The following DGKB variants were observed in gnomAD, a reference collection of about 807,000 sequenced individuals.
The protein encoded by DGKB is diacylglycerol kinase beta.
Under a neutral mutation model 114.3 loss-of-function variants are expected in DGKB, and 67 were observed. That is an observed-to-expected ratio of 0.59 (90% confidence interval 0.48 to 0.72). The LOEUF (loss-of-function observed/expected upper bound fraction) is 0.72, where lower values mean the gene tolerates loss of function less well. DGKB is among the 30% of genes least tolerant of loss of function. DGKB has a pLI of 0.00. For missense variants in DGKB, 907 were observed against 975.2 expected (o/e 0.93, Z 0.93); for synonymous variants, 398 against 323.1 (o/e 1.23, Z -2.49).
intron 12 of DGKB, among the ~76,000 whole-genome samples, chr7:14,680,267 C>T (rs147303617): frequency 1.3e-3 from 201 of 151,976 alleles, no homozygotes; most frequent in East Asian, 8.9e-3. Flanking sequence ...AAGACATTTG[C>T]TGTTTATGTT....
At chr7:14,886,890 A>G (rs1450442602) in intron 1 of DGKB, among the ~76,000 whole-genome samples, 3 of 151,880 alleles carry the variant, frequency 2.0e-5, no homozygotes, top group Non-Finnish European at 4.4e-5. Flanking sequence ...TTAATCTCCT[A>G]TCATACCCAC....
chr7:14,249,972 G>A (rs901835285), intron 23 of DGKB, among the ~76,000 whole-genome samples: 1 of 150,602 alleles, frequency 6.6e-6, no homozygotes, highest in African/African-American at 2.4e-5. Flanking sequence ...ATTTTATTTT[G>A]TTGAGAGAGT....
chr7:14,817,986 C>T (rs1038170112), intron 2 of DGKB, among the ~76,000 whole-genome samples: 6 of 151,786 alleles, frequency 4.0e-5, no homozygotes, highest in African/African-American at 1.5e-4. Flanking sequence ...CTAATTCTGA[C>T]TTTCTCTACT....
intron 25 of DGKB, among the ~76,000 whole-genome samples, chr7:14,172,637 G>T (rs942300955): frequency 6.6e-6 from 1 of 152,026 alleles, no homozygotes; most frequent in Non-Finnish European, 1.5e-5. Context: ...GACCTCATCT[G>T]GGGAAGGAGA....
At chr7:14,886,646 C>G (rs1230781760) in intron 1 of DGKB, among the ~76,000 whole-genome samples, 1 of 151,862 alleles carries the variant, frequency 6.6e-6, no homozygotes, top group Non-Finnish European at 1.5e-5. Context: ...ACCGTTGACA[C>G]CATTACTGCA....
At chr7:14,452,493 A>C (rs1207084323) in intron 21 of DGKB, among the ~76,000 whole-genome samples, 1 of 152,048 alleles carries the variant, frequency 6.6e-6, no homozygotes, top group Non-Finnish European at 1.5e-5. Flanking sequence ...TCTCTGAAAA[A>C]ATATGTGGAT....
intron 23 of DGKB, chr7:14,191,476 C>G (rs1437164513): frequency 2.7e-5 from 5 of 186,442 alleles, no homozygotes; most frequent in African/African-American, 4.8e-5. Context: ...GCTTGAAACT[C>G]TGCAATGCAT....
intron 2 of DGKB, among the ~76,000 whole-genome samples, chr7:14,791,651 G>T (rs568958790): frequency 6.6e-6 from 1 of 151,738 alleles, no homozygotes; most frequent in African/African-American, 2.4e-5. Flanking sequence ...GTTGGATTTT[G>T]TCAGATACAT....
intron 13 of DGKB, among the ~76,000 whole-genome samples, chr7:14,636,424 G>A (rs928540197): frequency 2.6e-5 from 4 of 151,756 alleles, no homozygotes; most frequent in Admixed American, 6.6e-5. Context: ...AGAGGGTAGC[G>A]ATAAAGAGTA....
chr7:14,242,937 A>G (rs1793902627), intron 23 of DGKB, among the ~76,000 whole-genome samples: 1 of 150,456 alleles, frequency 6.6e-6, no homozygotes, highest in Non-Finnish European at 1.5e-5. Context: ...TGGAATTTGG[A>G]CTTTATATAA....
At chr7:14,839,773 A>G (rs1847667110) in intron 2 of DGKB, among the ~76,000 whole-genome samples, 1 of 151,564 alleles carries the variant, frequency 6.6e-6, no homozygotes, top group African/African-American at 2.4e-5. Flanking sequence ...TCCAAATATC[A>G]TATATTTTGT....
chr7:14,329,053 C>T (rs1006588759), intron 23 of DGKB, among the ~76,000 whole-genome samples: 2 of 151,914 alleles, frequency 1.3e-5, no homozygotes, highest in Non-Finnish European at 2.9e-5. Flanking sequence ...AGTGGCCGCA[C>T]ACTTCCAAGG....
At chr7:14,626,733 C>A (rs1381792152) in intron 14 of DGKB, among the ~76,000 whole-genome samples, 5 of 152,060 alleles carry the variant, frequency 3.3e-5, no homozygotes, top group African/African-American at 1.2e-4. Context: ...TGCAGCAAAA[C>A]TATTTGCTGA....
At chr7:14,690,945 A>G (rs1312780927) in intron 9 of DGKB, among the ~76,000 whole-genome samples, 1 of 152,222 alleles carries the variant, frequency 6.6e-6, no homozygotes, top group Non-Finnish European at 1.5e-5. Flanking sequence ...AAGAGACACT[A>G]ACACTCTATA....
chr7:14,701,700 T>A lies in DGKB; in HGVS notation c.497A>T (p.Asn166Ile). ...AATTACCGAGCTGTCCAGGAAGCCA[T>A]TCCCATCCGTGTCATAAAGGCGAAA... ...FMFRLYDTDGNGFLDSSELEN... is the reference protein window; with the variant it reads ...FMFRLYDTDGIGFLDSSELEN... Residue 166 changes from asparagine (N) to isoleucine (I), a missense_variant, in exon 7 of 26, where the codon AAT (asparagine) becomes ATT (isoleucine). By Grantham distance (149) the Asn-to-Ile change is moderately radical. This residue lies in a region of DGKB where 814 missense variants were observed against 856.6 expected (regional missense o/e 0.95). Transcript: ENST00000402815. 4 of 1,612,454 alleles carry A rather than the reference T, an allele frequency of 2.5e-6. No homozygotes were observed. The highest frequency in any genetic ancestry group is 3.4e-6 in the Non-Finnish European group (4 of 1,178,618).
In DGKB at chr7:14,862,906, T is replaced by C. The variant is rs528160297; in HGVS notation, c.-187-21456A>G. Among the ~76,000 whole-genome samples, 7 of 152,238 alleles carry C rather than the reference T, an allele frequency of 4.6e-5. No homozygotes were observed. In the East Asian group the frequency reaches 1.3e-3, roughly 29 times the overall value. Reference sequence around the variant, plus strand: ...TATTATATAGCCACAAAATTTAGTATACTAACCTTTGATTTTTTTTCTCTG... The same window carrying C: ...TATTATATAGCCACAAAATTTAGTACACTAACCTTTGATTTTTTTTCTCTG... On this transcript the variant is annotated intron_variant, in intron 1 of 25. Transcript: ENST00000402815.
intron 1 of DGKB, among the ~76,000 whole-genome samples, chr7:14,860,035 A>G (rs765427250): frequency 1.3e-5 from 2 of 152,114 alleles, no homozygotes; most frequent in South Asian, 2.1e-4. Context: ...ACTGTTGAAA[A>G]CAAAACGACA....
chr7:14,814,403 C>G (rs1234006597), intron 2 of DGKB, among the ~76,000 whole-genome samples: 2 of 152,076 alleles, frequency 1.3e-5, no homozygotes, highest in African/African-American at 2.4e-5. Context: ...AAGCCTGAAG[C>G]CTACATTACC....
At chr7:14,763,134 T>C (rs1043892063) in intron 2 of DGKB, among the ~76,000 whole-genome samples, 2 of 152,098 alleles carry the variant, frequency 1.3e-5, no homozygotes, top group African/African-American at 4.8e-5. Flanking sequence ...ATCCCATGAT[T>C]TTAGAGCTCT....
Sources: allele counts gnomAD v4.1 joint callset (sites outside exome capture counted in the v4.1 genomes callset), GRCh38; gene constraint gnomAD v4.1.1; regional missense constraint gnomAD v4.1.1; transcripts MANE v1.5; gene names NCBI Gene and HGNC (gene_info 2026-07-23, HGNC 2026-07-21).